Variants in CATSPERB observed in about 807,000 individuals in gnomAD.
CATSPERB encodes cation channel sperm-associated auxiliary subunit beta.
A neutral mutation model predicts 128.3 loss-of-function variants in CATSPERB; 93 were observed. The observed-to-expected ratio is 0.72, with a 90% CI of 0.61 to 0.86. CATSPERB has a LOEUF of 0.86. CATSPERB is among the 40% of genes least tolerant of loss of function. The pLI is 0.00. For missense variants in CATSPERB, 1,153 were observed against 1,329.5 expected, an observed-to-expected ratio of 0.87 and a Z score of 2.06; for synonymous variants, 381 against 448.8, an observed-to-expected ratio of 0.85 and a Z score of 1.91.
In CATSPERB at chr14:91,621,857, T is replaced by C; in HGVS notation, c.2011A>G (p.Ile671Val). 6.2e-7 allele frequency: 1 copy of C among 1,614,176 alleles called. No individual in the cohort carries two copies. Among genetic ancestry groups the C allele is most frequent in the Non-Finnish European group, 8.5e-7 (1 of 1,179,998 alleles). ...PGYSSFLITS[I>V]LDNKNALAIA... ...GCTAATGCATTCTTATTATCTAAAA[T>C]GCTTGTGATGAGGAAGCTGCTGTAC... is the stretch of plus-strand genomic sequence containing the variant. Residue 671 changes from isoleucine to valine, a missense_variant, in exon 19 of 27, where the codon ATT becomes GTT. Ile to Val is a conservative substitution (Grantham distance 29). Coordinates refer to ENST00000256343, the MANE Select transcript of CATSPERB (RefSeq NM_024764.4).
At chr14:91,728,812 C>A (rs1467530652) in intron 2 of CATSPERB, among the ~76,000 whole-genome samples, 2 of 152,170 alleles carry the variant, frequency 1.3e-5, no homozygotes, top group African/African-American at 4.8e-5. Context: ...GCTCTGACTA[C>A]CATAAAAATC....
In CATSPERB at chr14:91,604,461, G is replaced by A. The variant is rs1026661141; in HGVS notation, c.2709+3833C>T. On this transcript the variant is annotated intron_variant, in intron 22 of 26. Coordinates refer to ENST00000256343, the MANE Select transcript of CATSPERB (RefSeq NM_024764.4). ...TTTAGGAATAAATCCACAGCTTGTGGAGTACTAAAATACCTAGTGGTCTGC... is the reference window on the plus strand; with the variant it reads ...TTTAGGAATAAATCCACAGCTTGTGAAGTACTAAAATACCTAGTGGTCTGC... 67 of 1,508,818 alleles carry A rather than the reference G, an allele frequency of 4.4e-5. No individual in the cohort carries two copies. In the African/African-American group the frequency reaches 7.9e-4, roughly 18 times the overall value. The allele number at this position is 1,508,818 out of a possible 1,614,324, so 93.5% of individuals were successfully genotyped here. A position where few individuals can be genotyped will look rare whatever the true frequency, so the allele number is the denominator to read the frequency against.
chr14:91,683,771 A>T, intron 11 of CATSPERB, 106 bp downstream of exon 11: 1 of 687,372 alleles, frequency 1.5e-6, no homozygotes. Flanking sequence ...TCCCCAGCCT[A>T]AAGTTTGGAA....
At chr14:91,588,889 G>A (rs1410659534) in intron 24 of CATSPERB, among the ~76,000 whole-genome samples, 1 of 152,156 alleles carries the variant, frequency 6.6e-6, no homozygotes, top group Non-Finnish European at 1.5e-5. Flanking sequence ...GTTGGCCAGA[G>A]TAAGACTCAC....
chr14:91,635,016 C>T (rs986568887), intron 17 of CATSPERB, among the ~76,000 whole-genome samples: 1 of 152,060 alleles, frequency 6.6e-6, no homozygotes, highest in Non-Finnish European at 1.5e-5. Context: ...TGAGGGTCCA[C>T]TTTCTGGTTT....
In CATSPERB at chr14:91,596,947, C is replaced by T. The variant is rs376374848; in HGVS notation, c.2710-4945G>A. On this transcript the variant is annotated intron_variant, in intron 22 of 26. Coordinates refer to ENST00000256343, the MANE Select transcript of CATSPERB (RefSeq NM_024764.4). ...TGTCACCCAGGCTGGAGTGCAGTGA[C>T]GCCATCTCGGCTCACTGCAAGCTCC... Among the ~76,000 whole-genome samples, 1,012 of 151,214 alleles carry T rather than the reference C, an allele frequency of 6.7e-3. 10 individuals carry two copies. Among genetic ancestry groups the T allele is most frequent in the African/African-American group, 0.023 (963 of 41,144 alleles).
In CATSPERB at chr14:91,672,827, G is replaced by A. The variant is rs1428085948; in HGVS notation, c.1128+40C>T. The A allele has an allele frequency of 2.1e-6, 3 of 1,450,720 alleles. No individual in the cohort carries two copies. In the African/African-American group the frequency reaches 4.4e-5, roughly 21 times the overall value. The allele number at this position is 1,450,720 out of a possible 1,614,324, so 89.9% of individuals were successfully genotyped here. ...TTTGCTAAGGTAAATTTTTATTGTT[G>A]TCATGTCAAGATAAATTCCCTCTGG... is the stretch of plus-strand genomic sequence containing the variant. On this transcript the variant is annotated intron_variant, in intron 13 of 26. Coordinates refer to ENST00000256343, the MANE Select transcript of CATSPERB (RefSeq NM_024764.4).
intron 7 of CATSPERB, among the ~76,000 whole-genome samples, chr14:91,694,944 A>G (rs1056625638): frequency 6.6e-6 from 1 of 152,198 alleles, no homozygotes; most frequent in Non-Finnish European, 1.5e-5. Flanking sequence ...TATTTCCAAA[A>G]GAGGACATTT....
At chr14:91,638,344 G>T (rs1259569464) in intron 16 of CATSPERB, among the ~76,000 whole-genome samples, 2 of 150,710 alleles carry the variant, frequency 1.3e-5, no homozygotes, top group African/African-American at 4.9e-5. Context: ...AGAAAAAGAA[G>T]AAACCAGGGA....
chr14:91,659,947 T>A lies in CATSPERB; in HGVS notation c.1322A>T (p.Gln441Leu). The A allele has an allele frequency of 6.3e-7, 1 of 1,598,782 alleles. No homozygotes were observed. The highest frequency in any genetic ancestry group is 8.5e-7 in the Non-Finnish European group (1 of 1,175,274). ...WLSVDGGNTF[Q>L]LIANFHDDII... Reference sequence around the variant, plus strand: ...ATCATCATGAAAGTTAGCTATTAATTGAAAGGTGTTGCCGCCATCAACTGA... The same window carrying A: ...ATCATCATGAAAGTTAGCTATTAATAGAAAGGTGTTGCCGCCATCAACTGA... The change falls in exon 15 of 27, where the codon CAA becomes CTA. Residue 441 changes from glutamine to leucine, a missense_variant. Transcript: ENST00000256343.
At position 91,616,833 on chromosome 14, in the gene CATSPERB, C is replaced by A. The variant is rs112356092; in HGVS notation, c.2400+764G>T. Among the ~76,000 whole-genome samples the A allele has an allele frequency of 6.7e-3, 1,004 of 150,186 alleles. 12 individuals are homozygous for A. The highest frequency in any genetic ancestry group is 0.023 in the African/African-American group (956 of 40,836). ...CTCGGTTCACTGCAACCTCTGCCTC[C>A]CAGGTTCAAGTGATTCTCCTGCCTC... is the stretch of plus-strand genomic sequence containing the variant. On this transcript the variant is annotated intron_variant, in intron 20 of 26. Coordinates refer to ENST00000256343, the MANE Select transcript of CATSPERB (RefSeq NM_024764.4).
chr14:91,729,342 A>C, intron 2 of CATSPERB, 59 bp downstream of exon 2: 1 of 716,652 alleles, frequency 1.4e-6, no homozygotes, highest in Non-Finnish European at 2.3e-6. Context: ...TAAATAAGGA[A>C]GAGACACAAA....
intron 5 of CATSPERB, among the ~76,000 whole-genome samples, chr14:91,716,556 C>G (rs1245117706): frequency 6.6e-6 from 1 of 152,058 alleles, no homozygotes; most frequent in African/African-American, 2.4e-5. Context: ...CCAGCCTGGG[C>G]AACAGAGCAG....
chr14:91,666,807 T>C (rs1442415380), intron 14 of CATSPERB, among the ~76,000 whole-genome samples: 3 of 152,178 alleles, frequency 2.0e-5, no homozygotes, highest in Admixed American at 2.0e-4. Flanking sequence ...CAAATACGTA[T>C]GTGTGTGGCC....
intron 17 of CATSPERB, among the ~76,000 whole-genome samples, chr14:91,630,424 C>G (rs889085661): frequency 3.9e-5 from 6 of 152,200 alleles, no homozygotes; most frequent in Admixed American, 1.3e-4. Flanking sequence ...ATACATCTAA[C>G]TGCCAACTTC....
At chr14:91,595,821 C>T (rs1893497388) in intron 22 of CATSPERB, among the ~76,000 whole-genome samples, 1 of 152,154 alleles carries the variant, frequency 6.6e-6, no homozygotes, top group African/African-American at 2.4e-5. Flanking sequence ...AACTATATTG[C>T]TATAAATTAA....
At chr14:91,596,681 T>C (rs35464717) in intron 22 of CATSPERB, among the ~76,000 whole-genome samples, 20,172 of 152,162 alleles carry the variant, frequency 0.13, 1,535 homozygotes, top group Middle Eastern at 0.22. Flanking sequence ...TAATGTACAC[T>C]AAGTTATATC....
chr14:91,695,896 G>T (rs1304912856), intron 7 of CATSPERB, among the ~76,000 whole-genome samples: 1 of 152,208 alleles, frequency 6.6e-6, no homozygotes, highest in East Asian at 1.9e-4. Context: ...CACAATCGGG[G>T]AATGTTGTGA....
rs58330624 is a variant in CATSPERB, at chr14:91,661,524, C to CATATATATATATATATATATATATATAT, written c.1288-1544_1288-1543insATATATATATATATATATATATATATAT. 1.6e-3 allele frequency among the ~76,000 whole-genome samples: 198 copies of CATATATATATATATATATATATATATAT among 126,930 alleles called. 6 individuals carry two copies. The highest frequency in any genetic ancestry group is 6.1e-3 in the African/African-American group (190 of 31,168). 83.3% of individuals were successfully genotyped at this position (126,930 alleles called of 152,430 possible). On this transcript the variant is annotated intron_variant, in intron 14 of 26. Coordinates refer to ENST00000256343, the MANE Select transcript of CATSPERB (RefSeq NM_024764.4). ...ATTAAGCTGCTGAGTCAGATGCTATCATATATATATATATATATATATATT... is the reference window on the plus strand; with the variant it reads ...ATTAAGCTGCTGAGTCAGATGCTATCATATATATATATATATATATATATATATATATATATATATATATATATATATT...
Sources: allele counts gnomAD v4.1 joint callset (sites outside exome capture counted in the v4.1 genomes callset), GRCh38; gene constraint gnomAD v4.1.1; transcripts MANE v1.5; gene names NCBI Gene and HGNC (gene_info 2026-07-23, HGNC 2026-07-21).